PDK1: variants seen among roughly 807,000 people sequenced by gnomAD.
PDK1 encodes the protein pyruvate dehydrogenase kinase 1.
A neutral mutation model predicts 54.2 loss-of-function variants in PDK1; 39 were observed. That is an observed-to-expected ratio of 0.72 (90% CI 0.56 to 0.94). The LOEUF is 0.94. PDK1 is among the 40% of genes least tolerant of loss of function. PDK1 has a pLI of 0.00. For synonymous variants in PDK1, 221 were observed against 207.1 expected (o/e 1.07, Z -0.58); for missense variants, 552 against 566.0 (o/e 0.98, Z 0.25).
At chr2:172,564,812 T>C in intron 4 of PDK1, 125 bp downstream of exon 4, 3 of 908,864 alleles carry the variant, frequency 3.3e-6, no homozygotes. Context: ...TTAAGAAAAA[T>C]AAATAGACTG....
Position 172,570,829 on chromosome 2 carries a change from ATG to A in PDK1, c.945+9_945+10del. The A allele has an allele frequency of 6.6e-7, 1 of 1,523,726 alleles. No homozygotes were observed. Among genetic ancestry groups the A allele is most frequent in the Non-Finnish European group, 9.1e-7 (1 of 1,103,810 alleles). 94.4% of individuals were successfully genotyped at this position (1,523,726 alleles called of 1,614,324 possible). ...AATGAGGATTTGACTGTGAAGGTAA[ATG>A]TGTTTAATGGTTTGTTTTCTTTTTT... On this transcript the variant is annotated splice_donor_region_variant and intron_variant, in intron 8 of 10. Coordinates refer to ENST00000282077, the MANE Select transcript of PDK1 (RefSeq NM_002610.5).
Position 172,568,783 on chromosome 2 carries a change from C to A in PDK1, c.812C>A (p.Ser271Tyr). 6.2e-7 allele frequency: 1 copy of A among 1,608,200 alleles called. No individual in the cohort carries two copies. The highest frequency in any genetic ancestry group is 8.5e-7 in the Non-Finnish European group (1 of 1,174,616). The change falls in exon 7 of 11, where the codon TCC becomes TAC. Residue 271 changes from serine to tyrosine, a missense_variant. Transcript: ENST00000282077. ...CCAATACAAGTGGTTTATGTACCAT[C>A]CCATCTCTATCACATGGTGTTTGAA... The part of the protein sequence containing the change: ...GQPIQVVYVP[S>Y]HLYHMVFELF...
intron 9 of PDK1, among the ~76,000 whole-genome samples, chr2:172,587,528 C>T (rs1308230023): frequency 1.3e-5 from 2 of 152,016 alleles, no homozygotes; most frequent in East Asian, 1.9e-4. Context: ...AGCTGCAGAC[C>T]TTCGCGGTGA....
chr2:172,621,714 A>G, the PDK1 span, among the ~76,000 whole-genome samples: 1 of 140,562 alleles, frequency 7.1e-6, no homozygotes, highest in African/African-American at 2.6e-5. Flanking sequence ...TATATCAAAC[A>G]TGTTATATGT....
At chr2:172,564,734 T>C (rs1413646838) in intron 4 of PDK1, 47 bp downstream of exon 4, 6 of 1,470,614 alleles carry the variant, frequency 4.1e-6, no homozygotes, top group Non-Finnish European at 5.6e-6. Context: ...TGAGATGTGT[T>C]GGCATATTTT....
At chr2:172,609,129 G>A (rs1011989916), downstream of PDK1, among the ~76,000 whole-genome samples, 1 of 152,164 alleles carries the variant, frequency 6.6e-6, no homozygotes, top group African/African-American at 2.4e-5. Flanking sequence ...TTTCCAATCA[G>A]CAGATAGCAG....
In PDK1 at chr2:172,596,987, T is replaced by G. The variant is rs536984899; in HGVS notation, c.*1018T>G. 6.6e-6 allele frequency: 1 copy of G among 152,136 alleles called. No individual in the cohort carries two copies. The highest frequency in any genetic ancestry group is 1.5e-5 in the Non-Finnish European group (1 of 68,036). The allele number at this position is 152,136 out of a possible 1,614,324, so 9.4% of individuals were successfully genotyped here. The stretch of plus-strand genomic sequence containing the variant: ...CCTATTTAAAGTCAGATTTATAGAC[T>G]CGAGGAGACAGAAACTGAATCCCAC... On this transcript the variant is annotated 3_prime_UTR_variant, in exon 11 of 11. Coordinates refer to ENST00000282077, the MANE Select transcript of PDK1 (RefSeq NM_002610.5).
chr2:172,718,266 A>T, the PDK1 span, among the ~76,000 whole-genome samples: 1 of 152,248 alleles, frequency 6.6e-6, no homozygotes, highest in African/African-American at 2.4e-5. Flanking sequence ...GAAGGAAATA[A>T]TGAAGCTAGT....
At chr2:172,614,710 C>T in the PDK1 span, among the ~76,000 whole-genome samples, 1 of 152,166 alleles carries the variant, frequency 6.6e-6, no homozygotes. Context: ...CACAATAAAA[C>T]TCTTTTTCAC....
At chr2:172,708,545 C>G in the PDK1 span, among the ~76,000 whole-genome samples, 1 of 152,060 alleles carries the variant, frequency 6.6e-6, no homozygotes, top group Non-Finnish European at 1.5e-5. Flanking sequence ...TAAGAAATAG[C>G]AGTATACATA....
chr2:172,633,863 T>C, the PDK1 span, among the ~76,000 whole-genome samples: 16 of 136,896 alleles, frequency 1.2e-4, no homozygotes, highest in Non-Finnish European at 7.7e-5. Context: ...ATCTTTAGTC[T>C]ATGATTTTTT....
the PDK1 span, among the ~76,000 whole-genome samples, chr2:172,657,800 G>T: frequency 7.3e-6 from 1 of 136,864 alleles, no homozygotes; most frequent in African/African-American, 2.5e-5. Context: ...CAGTCTTAGC[G>T]CATTCTGAGT....
chr2:172,637,783 C>T, the PDK1 span, among the ~76,000 whole-genome samples: 3 of 152,170 alleles, frequency 2.0e-5, no homozygotes, highest in East Asian at 5.8e-4. Flanking sequence ...GCAACCTCCA[C>T]CGCCCAGGTT....
chr2:172,567,081 C>T (rs1285671456), intron 6 of PDK1, 148 bp downstream of exon 6: 1 of 462,002 alleles, frequency 2.2e-6, no homozygotes, highest in African/African-American at 2.0e-5. Context: ...AAAAATATAT[C>T]TATAAACATA....
At chr2:172,680,917 C>T in the PDK1 span, among the ~76,000 whole-genome samples, 11 of 152,334 alleles carry the variant, frequency 7.2e-5, no homozygotes, top group East Asian at 2.1e-3. Flanking sequence ...GGCTTTGACA[C>T]TTCTCTTTCT....
chr2:172,622,107 TATG>T, the PDK1 span, among the ~76,000 whole-genome samples: 6 of 128,910 alleles, frequency 4.7e-5, no homozygotes, highest in African/African-American at 1.9e-4. Context: ...TCTCATATAT[TATG>T]TGAGATATGT....
chr2:172,562,568 CTTCTAAT>C (rs1265294968), intron 3 of PDK1, among the ~76,000 whole-genome samples: 3 of 152,208 alleles, frequency 2.0e-5, no homozygotes, highest in Non-Finnish European at 2.9e-5. Flanking sequence ...GTGCATGCTC[CTTCTAAT>C]GGACAACCAC....
the PDK1 span, among the ~76,000 whole-genome samples, chr2:172,649,341 C>A: frequency 6.6e-6 from 1 of 152,180 alleles, no homozygotes; most frequent in Non-Finnish European, 1.5e-5. Flanking sequence ...TCACCATCAT[C>A]AAAGACCAAA....
chr2:172,693,081 G>A, the PDK1 span, among the ~76,000 whole-genome samples: 1 of 152,206 alleles, frequency 6.6e-6, no homozygotes. Flanking sequence ...GGACCCTCCT[G>A]GAGGACCAGC....
Sources: gnomAD v4.1 joint callset for allele counts (sites outside exome capture counted in the v4.1 genomes callset) on GRCh38, gnomAD v4.1.1 for gene constraint, MANE v1.5 for transcripts, NCBI Gene and HGNC (gene_info 2026-07-23, HGNC 2026-07-21) for gene names.